Variants in UNC45A observed in about 807,000 individuals in gnomAD.
UNC45A encodes the protein protein unc-45 homolog A.
A neutral mutation model predicts 103.2 loss-of-function variants in UNC45A; 78 were observed. The observed-to-expected ratio is 0.76, with a 90% CI of 0.63 to 0.91. UNC45A has a LOEUF of 0.91. Among genes scored for constraint, UNC45A ranks in the 40% least tolerant of loss-of-function variants. UNC45A has a pLI of 0.00. For missense variants in UNC45A, 1,193 were observed against 1,224.8 expected, an observed-to-expected ratio of 0.97 and a Z score of 0.39; for synonymous variants, 495 against 504.6, an observed-to-expected ratio of 0.98 and a Z score of 0.25.
chr15:90,932,575 G>T (rs757843254), upstream of UNC45A: 3 of 1,202,702 alleles, frequency 2.5e-6, no homozygotes, highest in Non-Finnish European at 3.1e-6. Flanking sequence ...GGCCGCAGGG[G>T]CAGGGACGGA....
At chr15:90,946,545 GGGAA>G in intron 9 of UNC45A, 65 bp from the exon 10 acceptor site, 1 of 1,475,348 alleles carries the variant, frequency 6.8e-7, no homozygotes, top group Non-Finnish European at 9.0e-7. Flanking sequence ...GCCAGTGGAG[GGGAA>G]GGGAGGGAAG....
At chr15:90,949,185 C>A (rs2036751344) in intron 13 of UNC45A, 131 bp from the exon 14 acceptor site, 1 of 1,342,096 alleles carries the variant, frequency 7.5e-7, no homozygotes, top group Non-Finnish European at 1.0e-6. Flanking sequence ...CAACAGCCTC[C>A]CTTTTAAGCC....
At chr15:90,941,958 C>CAA (rs369044240) in intron 6 of UNC45A, among the ~76,000 whole-genome samples, 14 of 68,722 alleles carry the variant, frequency 2.0e-4, no homozygotes, top group Admixed American at 6.9e-4. Context: ...GACTCCGTCT[C>CAA]AAAAAAAAAA....
upstream of UNC45A, chr15:90,935,269 A>G (rs575053423): frequency 6.0e-5 from 92 of 1,537,164 alleles, 1 homozygote; most frequent in South Asian, 1.1e-3. Context: ...TCCCGAACCC[A>G]GACTCGCCCC....
intron 4 of UNC45A, among the ~76,000 whole-genome samples, chr15:90,937,977 A>G (rs2036105675): frequency 6.6e-6 from 1 of 152,030 alleles, no homozygotes; most frequent in Non-Finnish European, 1.5e-5. Context: ...TATTTTTTGT[A>G]GAGACAGGGT....
rs755738719 is a variant in UNC45A at position 90,946,814 on chromosome 15, A to C, written c.1400A>C (p.Lys467Thr). ...GAGGCTCTGATCCATGCAGCCGGCA[A>C]GGCTAAGCGGGCCTCATTCATCACT... The part of the protein sequence containing the change: ...AVEALIHAAG[K>T]AKRASFITAN... The change falls in exon 10 of 20, where the codon AAG (lysine) becomes ACG (threonine). Residue 467 changes from lysine (K) to threonine (T), a missense_variant. Coordinates refer to ENST00000418476, the MANE Select transcript of UNC45A (RefSeq NM_018671.5). The C allele has an allele frequency of 9.9e-6, 16 of 1,614,222 alleles. No individual in the cohort carries two copies. Among genetic ancestry groups the C allele is most frequent in the Non-Finnish European group, 1.3e-5 (15 of 1,180,044 alleles).
upstream of UNC45A, chr15:90,931,330 C>G: frequency 6.4e-7 from 1 of 1,551,708 alleles, no homozygotes; most frequent in Non-Finnish European, 8.7e-7. Flanking sequence ...TTCCAGTTGC[C>G]GGTTTGTTCC....
chr15:90,935,931 G>T lies in UNC45A; in HGVS notation c.214-15G>T. ...GAGATGACCATTCCTTCAGGCTCCT[G>T]TCTTTCTCTTACAGGAAGATTACGA... On this transcript the variant is annotated splice_polypyrimidine_tract_variant and intron_variant, in intron 2 of 19. Coordinates refer to ENST00000418476, the MANE Select transcript of UNC45A (RefSeq NM_018671.5). The T allele has an allele frequency of 6.2e-7, 1 of 1,614,138 alleles. No individual in the cohort carries two copies. The highest frequency in any genetic ancestry group is 8.5e-7 in the Non-Finnish European group (1 of 1,180,018).
At chr15:90,934,425 G>T (rs774304891), upstream of UNC45A, 10 of 398,910 alleles carry the variant, frequency 2.5e-5, no homozygotes, top group Non-Finnish European at 4.4e-5. Context: ...TCGTCTGTCT[G>T]ATTCTCCAGA....
intron 17 of UNC45A, among the ~76,000 whole-genome samples, chr15:90,951,350 T>C (rs1348263667): frequency 1.3e-5 from 2 of 149,468 alleles, no homozygotes; most frequent in African/African-American, 2.6e-5. Context: ...AACATATTAC[T>C]CATTACTTAG....
At chr15:90,939,668 T>G in intron 4 of UNC45A, 63 bp from the exon 5 acceptor site, 1 of 1,554,118 alleles carries the variant, frequency 6.4e-7, no homozygotes, top group South Asian at 1.1e-5. Flanking sequence ...GACAAATGAA[T>G]AGGGAGTGTG....
chr15:90,952,768 A>T, intron 17 of UNC45A, 161 bp from the exon 18 acceptor site: 1 of 635,454 alleles, frequency 1.6e-6, no homozygotes, highest in Non-Finnish European at 2.7e-6. Flanking sequence ...ACGAGAACTT[A>T]CTATCACGAG....
intron 8 of UNC45A, 148 bp from the exon 9 acceptor site, chr15:90,944,744 G>C: frequency 3.2e-6 from 3 of 925,536 alleles, no homozygotes; most frequent in Non-Finnish European, 4.7e-6. Context: ...GATCAGCTAA[G>C]CAGATTCTCC....
chr15:90,947,972 C>T, intron 11 of UNC45A, 82 bp downstream of exon 11: 2 of 1,360,676 alleles, frequency 1.5e-6, no homozygotes, highest in South Asian at 2.6e-5. Context: ...GTTGGGGCCT[C>T]CTCCGTCCTG....
intron 3 of UNC45A, 30 bp downstream of exon 3, chr15:90,936,012 C>G: frequency 6.2e-7 from 1 of 1,613,330 alleles, no homozygotes; most frequent in South Asian, 1.1e-5. Context: ...TGGTGTGGAG[C>G]TGTAGGGCTT....
In UNC45A at chr15:90,953,630, C is replaced by G. The variant is rs779667217; in HGVS notation, c.2749C>G (p.His917Asp). 26 of 1,613,998 alleles carry G rather than the reference C, an allele frequency of 1.6e-5. No homozygotes were observed. The East Asian group carries it at 2.0e-4, about 12-fold the overall frequency. Residue 917 changes from histidine to aspartate, a missense_variant, in exon 20 of 20, where the codon CAC (histidine) becomes GAC (aspartate). By Grantham distance (81) the His-to-Asp change is moderately conservative (BLOSUM62 -1). Coordinates refer to ENST00000418476, the MANE Select transcript of UNC45A (RefSeq NM_018671.5). ...CTTGTCAGTGCTAGCTAAGGGTGAC[C>G]ACAGCCCTGTCACAAGGGCTGCTGC... ...EILSVLAKGD[H>D]SPVTRAAAAC...
Position 90,948,284 on chromosome 15 carries a change from G to T in UNC45A, c.1737+1G>T. The stretch of plus-strand genomic sequence containing the variant: ...GAAAGCTCTGTTCCAGCTCAGCAGG[G>T]TAGCTCTGTGGTTCCTGCCGTCAGC... On this transcript the variant is annotated splice_donor_variant, in intron 12 of 19. Transcript: ENST00000418476. LOFTEE classifies it high-confidence loss of function. 1 of 1,613,534 alleles carries T rather than the reference G, an allele frequency of 6.2e-7. No individual in the cohort carries two copies. Among genetic ancestry groups the T allele is most frequent in the Non-Finnish European group, 8.5e-7 (1 of 1,180,042 alleles).
intron 4 of UNC45A, among the ~76,000 whole-genome samples, chr15:90,938,819 C>G (rs1048662032): frequency 4.6e-5 from 7 of 151,920 alleles, no homozygotes; most frequent in East Asian, 1.9e-4. Flanking sequence ...TTACAGGCAC[C>G]CGCCACCACA....
rs1485234443 is a variant in UNC45A, at chr15:90,950,589, C to T, written c.2277C>T (p.Asn759=). The T allele has an allele frequency of 6.2e-7, 1 of 1,614,188 alleles. No homozygotes were observed. Among genetic ancestry groups the T allele is most frequent in the East Asian group, 2.2e-5 (1 of 44,888 alleles). ...TCGAGGCGCTCATGGCCCTAACAAA[C>T]CTGGCTGGGATCAGCGAGAGGCTCC... The part of the protein sequence containing the change: ...QNFEALMALT[N]LAGISERLRQ... The change falls in exon 17 of 20, where the codon AAC becomes AAT. Residue 759 remains asparagine, a synonymous_variant. Transcript: ENST00000418476.
Sources: allele counts gnomAD v4.1 joint callset (sites outside exome capture counted in the v4.1 genomes callset), GRCh38; gene constraint gnomAD v4.1.1; transcripts MANE v1.5; gene names NCBI Gene and HGNC (gene_info 2026-07-23, HGNC 2026-07-21).